AHI1: variants seen among roughly 807,000 people sequenced by gnomAD.
The protein encoded by AHI1 is Abelson helper integration site 1.
A neutral mutation model predicts 149.3 loss-of-function variants in AHI1; 123 were observed. The observed-to-expected ratio is 0.82, with a 90% confidence interval of 0.71 to 0.96. The LOEUF (loss-of-function observed/expected upper bound fraction) is 0.96. Ranked by LOEUF, AHI1 falls within the 40% of genes least tolerant of loss-of-function variation. The probability of loss-of-function intolerance (pLI) is 0.00; values close to 1 mark genes in which losing one functional copy is unlikely to be tolerated. For missense variants in AHI1, 1,439 were observed against 1,422.7 expected (o/e 1.01, Z -0.18); for synonymous variants, 475 against 459.8 (o/e 1.03, Z -0.42).
chr6:135,400,100 T>G (rs999920212), intron 22 of AHI1, among the ~76,000 whole-genome samples: 1 of 152,092 alleles, frequency 6.6e-6, no homozygotes, highest in African/African-American at 2.4e-5. Flanking sequence ...TTTTTGTGTT[T>G]GTAAGTTCTC....
At chr6:135,408,357 T>C (rs1186346961) in intron 21 of AHI1, among the ~76,000 whole-genome samples, 1 of 152,132 alleles carries the variant, frequency 6.6e-6, no homozygotes, top group Non-Finnish European at 1.5e-5. Context: ...AAGCTCAATG[T>C]ATCTATTCAG....
At chr6:135,474,616 A>G (rs1343928829) in intron 5 of AHI1, 1 of 152,020 alleles carries the variant, frequency 6.6e-6, no homozygotes, top group Admixed American at 6.6e-5. Flanking sequence ...AGTCTCATCT[A>G]TTGCTGGTTT....
rs533198637 is a variant in AHI1, at chr6:135,354,400, A to G, written c.3165+3732T>C. On this transcript the variant is annotated intron_variant, in intron 24 of 28. Coordinates refer to ENST00000265602, the MANE Select transcript of AHI1 (RefSeq NM_001134831.2). ...GGCTTATCATGTTTCAATGTATTTT[A>G]CATGTATATTAATTCTGCCAGAAAA... 3.9e-5 allele frequency among the ~76,000 whole-genome samples: 6 copies of G among 152,310 alleles called. No individual in the cohort carries two copies. In the South Asian group the frequency reaches 1.0e-3, roughly 26 times the overall value.
chr6:135,494,399 CACTGAGCAGCT>C (rs1322654176), intron 3 of AHI1, among the ~76,000 whole-genome samples: 1 of 152,182 alleles, frequency 6.6e-6, no homozygotes, highest in Non-Finnish European at 1.5e-5. Context: ...ATCTGAAGGG[CACTGAGCAGCT>C]ACAAGCATCA....
At chr6:135,296,507 T>A (rs1348311772) in intron 27 of AHI1, among the ~76,000 whole-genome samples, 1 of 152,216 alleles carries the variant, frequency 6.6e-6, no homozygotes, top group Non-Finnish European at 1.5e-5. Flanking sequence ...TTTCTTACTC[T>A]ACTCTAAAAA....
In AHI1 at chr6:135,476,767, T is replaced by C. The variant is rs533112019; in HGVS notation, c.136-9133A>G. 3.3e-5 allele frequency among the ~76,000 whole-genome samples: 5 copies of C among 152,310 alleles called. No homozygotes were observed. The East Asian group carries it at 9.7e-4, about 29-fold the overall frequency. On this transcript the variant is annotated intron_variant, in intron 5 of 28. Coordinates refer to ENST00000265602, the MANE Select transcript of AHI1 (RefSeq NM_001134831.2). The stretch of plus-strand genomic sequence containing the variant: ...TCTTTATTGTAAAATATACTTTCTC[T>C]GCTATCAATATAACAACTCCAGTTT...
intron 23 of AHI1, among the ~76,000 whole-genome samples, chr6:135,380,353 T>C (rs1269968310): frequency 1.3e-5 from 2 of 152,154 alleles, no homozygotes; most frequent in African/African-American, 4.8e-5. Context: ...AGCATTTACA[T>C]TGTATTAGGT....
At chr6:135,335,321 C>A (rs1467512767) in intron 24 of AHI1, among the ~76,000 whole-genome samples, 3 of 151,586 alleles carry the variant, frequency 2.0e-5, no homozygotes, top group African/African-American at 7.3e-5. Context: ...TAAAGATTAG[C>A]CAAATTTTAA....
rs114743853 is a variant in AHI1 at position 135,286,711 on chromosome 6, C to A, written c.3589-1064G>T. ...CATTTACACATGAGGGGCAAAAATTCTTTATCACTTGATGTTTCTTGATTT... is the reference window on the plus strand; with the variant it reads ...CATTTACACATGAGGGGCAAAAATTATTTATCACTTGATGTTTCTTGATTT... On this transcript the variant is annotated intron_variant, in intron 28 of 28. Transcript: ENST00000265602. 2.6e-3 allele frequency among the ~76,000 whole-genome samples: 398 copies of A among 152,274 alleles called. 1 individual carries two copies. The highest frequency in any genetic ancestry group is 9.3e-3 in the African/African-American group (385 of 41,558).
chr6:135,467,481 AAAC>A, intron 6 of AHI1, 97 bp downstream of exon 6: 1 of 990,840 alleles, frequency 1.0e-6, no homozygotes, highest in Non-Finnish European at 1.6e-6. Flanking sequence ...ATGTGTTGAA[AAAC>A]AGAATGGACA....
intron 24 of AHI1, among the ~76,000 whole-genome samples, chr6:135,329,208 A>C (rs1320881201): frequency 6.6e-6 from 1 of 152,236 alleles, no homozygotes; most frequent in Non-Finnish European, 1.5e-5. Context: ...AGATTTTCTC[A>C]ATGGAGATTT....
At chr6:135,323,523 G>GTGGCTAGTGAAAGTA in intron 24 of AHI1, 199 bp from the exon 25 acceptor site, 2 of 439,712 alleles carry the variant, frequency 4.5e-6, no homozygotes. Context: ...CTGTGGGATT[G>GTGGCTAGTGAAAGTA]AGAAATGGTT....
intron 20 of AHI1, among the ~76,000 whole-genome samples, chr6:135,422,969 AAGAC>A (rs1282956984): frequency 6.6e-6 from 1 of 152,152 alleles, no homozygotes; most frequent in African/African-American, 2.4e-5. Context: ...ATAAGTGCCT[AAGAC>A]AGATAGCTTA....
chr6:135,413,710 C>T (rs1366991383), intron 20 of AHI1, among the ~76,000 whole-genome samples: 1 of 142,872 alleles, frequency 7.0e-6, no homozygotes, highest in Non-Finnish European at 1.5e-5. Context: ...TGTCTATATA[C>T]AAGCAATTAA....
chr6:135,442,251 C>T (rs1786413389), intron 14 of AHI1, among the ~76,000 whole-genome samples: 1 of 152,132 alleles, frequency 6.6e-6, no homozygotes, highest in African/African-American at 2.4e-5. Flanking sequence ...CAACTAGCCA[C>T]ATTGGACTAA....
intron 5 of AHI1, among the ~76,000 whole-genome samples, chr6:135,488,630 T>A (rs1194683614): frequency 1.3e-5 from 2 of 152,190 alleles, no homozygotes; most frequent in Non-Finnish European, 2.9e-5. Context: ...TTAGAAATAA[T>A]ATTTGTAAAA....
Position 135,490,384 on chromosome 6 carries a change from G to A in AHI1, c.135+239C>T, listed in dbSNP as rs111939059. ...GTTTTGAGTTTCCCCACTATCTCTGGTCATTTTCCCCACTGTGTGTGTGTT... is the reference window on the plus strand; with the variant it reads ...GTTTTGAGTTTCCCCACTATCTCTGATCATTTTCCCCACTGTGTGTGTGTT... On this transcript the variant is annotated intron_variant, in intron 5 of 28. Transcript: ENST00000265602. 3,550 of 649,146 alleles carry A rather than the reference G, an allele frequency of 5.5e-3. 83 individuals carry two copies. The African/African-American group carries it at 0.056, about 10-fold the overall frequency. 40.2% of individuals were successfully genotyped at this position (649,146 alleles called of 1,614,324 possible). A position where few individuals can be genotyped will look rare whatever the true frequency, so the allele number is the denominator to read the frequency against.
intron 10 of AHI1, among the ~76,000 whole-genome samples, chr6:135,454,434 T>A (rs1176673156): frequency 6.6e-6 from 1 of 152,178 alleles, no homozygotes; most frequent in Non-Finnish European, 1.5e-5. Flanking sequence ...TAACCAAATC[T>A]CTTACTGATC....
Position 135,465,919 on chromosome 6 carries a change from T to G in AHI1, c.644A>C (p.Gln215Pro), listed in dbSNP as rs780266557. 6.2e-7 allele frequency: 1 copy of G among 1,602,248 alleles called. No homozygotes were observed. Among genetic ancestry groups the G allele is most frequent in the Non-Finnish European group, 8.5e-7 (1 of 1,174,962 alleles). Reference protein sequence around the residue: ...KRKIRKKLKEQLTYFPSDTLF... With the variant: ...KRKIRKKLKEPLTYFPSDTLF... ...AGTATCTGAGGGAAAGTAAGTCAAC[T>G]GTTCTTTCAGTTTCTTTCTTATTTT... The change falls in exon 7 of 29, where the codon CAG becomes CCG. Residue 215 changes from glutamine to proline, a missense_variant. Physicochemically the swap from Gln to Pro is moderately conservative, Grantham distance 76. Coordinates refer to ENST00000265602, the MANE Select transcript of AHI1 (RefSeq NM_001134831.2).
Sources: allele counts gnomAD v4.1 joint callset (sites outside exome capture counted in the v4.1 genomes callset), GRCh38; gene constraint gnomAD v4.1.1; transcripts MANE v1.5; gene names NCBI Gene and HGNC (gene_info 2026-07-23, HGNC 2026-07-21).